The following CRYBG3 variants were observed in gnomAD, a reference collection of about 807,000 sequenced individuals.
The protein encoded by CRYBG3 is very large A-kinase anchor protein.
CRYBG3 carries 127 observed loss-of-function variants against 244.2 expected under a neutral mutation model. That is an observed-to-expected ratio of 0.52 (90% CI 0.45 to 0.60). CRYBG3 has a LOEUF of 0.60. Ranked by LOEUF, CRYBG3 falls within the 20% of genes least tolerant of loss-of-function variation. The pLI is 0.00. For synonymous variants in CRYBG3, 1,132 were observed against 1,195.8 expected, an observed-to-expected ratio of 0.95 and a Z score of 1.10; for missense variants, 3,325 against 3,442.5, an observed-to-expected ratio of 0.97 and a Z score of 0.85.
In CRYBG3 at chr3:97,886,729, T is replaced by G. The variant is rs2039512345; in HGVS notation, c.7251T>G (p.Asn2417Lys). Residue 2417 changes from asparagine (N) to lysine (K), a missense_variant, in exon 8 of 22, where the codon AAT becomes AAG. Transcript: ENST00000389622. ...QRAVPNLEELNISKSVSFTVK... is the reference protein window; with the variant it reads ...QRAVPNLEELKISKSVSFTVK... ...CAGTCCCCAATTTGGAAGAACTGAATATCTCCAAATCTGTGTCCTTCACTG... is the reference window on the plus strand; with the variant it reads ...CAGTCCCCAATTTGGAAGAACTGAAGATCTCCAAATCTGTGTCCTTCACTG... The G allele has an allele frequency of 6.2e-7, 1 of 1,612,302 alleles. No individual in the cohort carries two copies. The highest frequency in any genetic ancestry group is 8.5e-7 in the Non-Finnish European group (1 of 1,179,342).
chr3:97,886,202 A>G (rs1276414210), intron 7 of CRYBG3, among the ~76,000 whole-genome samples: 1 of 152,034 alleles, frequency 6.6e-6, no homozygotes, highest in East Asian at 1.9e-4. Flanking sequence ...CTGCTTCTCT[A>G]CTTGTTTTTT....
chr3:97,872,446 A>C lies in CRYBG3; in HGVS notation c.1252A>C (p.Arg418=). 1 of 1,536,026 alleles carries C rather than the reference A, an allele frequency of 6.5e-7. No homozygotes were observed. The highest frequency in any genetic ancestry group is 2.4e-5 in the East Asian group (1 of 40,918). ...AGAAAACAGCACTGTGATGAGTAAT[A>C]GGACATTGGTGCAAAGAGAGGAGCT... ...IKENSTVMSN[R]TLVQREELVE... The change falls in exon 4 of 22, where the codon AGG becomes CGG. Residue 418 remains arginine, a synonymous_variant. Transcript: ENST00000389622.
chr3:97,829,124 GA>G (rs576064244), intron 1 of CRYBG3, among the ~76,000 whole-genome samples: 120 of 149,154 alleles, frequency 8.0e-4, no homozygotes, highest in Admixed American at 7.7e-3. Flanking sequence ...CTAAAAGAAG[GA>G]AAAAAAAAGA....
At chr3:97,888,763 T>A (rs1471355037) in intron 9 of CRYBG3, among the ~76,000 whole-genome samples, 2 of 152,050 alleles carry the variant, frequency 1.3e-5, no homozygotes, top group African/African-American at 4.8e-5. Flanking sequence ...CAACGTGGAG[T>A]AGCACTTGAA....
At chr3:97,850,091 G>A (rs571388501) in intron 2 of CRYBG3, among the ~76,000 whole-genome samples, 8 of 152,100 alleles carry the variant, frequency 5.3e-5, no homozygotes, top group Admixed American at 1.3e-4. Flanking sequence ...CATACTCAAA[G>A]TTGAACTCAT....
intron 3 of CRYBG3, among the ~76,000 whole-genome samples, chr3:97,870,920 G>A (rs1158810434): frequency 6.6e-6 from 1 of 152,140 alleles, no homozygotes; most frequent in Non-Finnish European, 1.5e-5. Context: ...TGTGCTCTGT[G>A]CACCCAGAGA....
intron 15 of CRYBG3, among the ~76,000 whole-genome samples, chr3:97,904,742 T>A (rs1036902748): frequency 3.3e-5 from 5 of 151,362 alleles, no homozygotes; most frequent in Admixed American, 6.6e-5. Flanking sequence ...TAATCTTTTT[T>A]TTATTATTAT....
At position 97,872,272 on chromosome 3, in the gene CRYBG3, TCTGA is replaced by T; in HGVS notation, c.1081_1084del (p.Asp361HisfsTer5). ...GACTAACTCCAGCTACGATGGAGAA[TCTGA>T]CTCACAGCACCATTTAAGTTGTGAA... On this transcript the variant is annotated frameshift_variant, in exon 4 of 22. Transcript: ENST00000389622. LOFTEE classifies it high-confidence loss of function. The T allele has an allele frequency of 6.5e-7, 1 of 1,535,814 alleles. No individual in the cohort carries two copies. Among genetic ancestry groups the T allele is most frequent in the Non-Finnish European group, 8.7e-7 (1 of 1,146,646 alleles).
chr3:97,915,541 A>G, intron 16 of CRYBG3, 69 bp from the exon 17 acceptor site: 1 of 1,505,940 alleles, frequency 6.6e-7, no homozygotes, highest in Non-Finnish European at 9.0e-7. Context: ...CAATTCCCAC[A>G]GCATGATAAT....
chr3:97,933,599 A>T, intron 17 of CRYBG3, 95 bp from the exon 18 acceptor site: 1 of 1,226,250 alleles, frequency 8.2e-7, no homozygotes, highest in Non-Finnish European at 1.2e-6. Flanking sequence ...CCATGCATTT[A>T]AGAATACAAT....
intron 4 of CRYBG3, 107 bp downstream of exon 4, chr3:97,878,144 C>T: frequency 9.8e-7 from 1 of 1,018,892 alleles, no homozygotes; most frequent in Non-Finnish European, 1.4e-6. Flanking sequence ...AGCATGGTGG[C>T]TCATGCCTGT....
chr3:97,838,481 T>C (rs568384513), intron 1 of CRYBG3, among the ~76,000 whole-genome samples: 2 of 152,242 alleles, frequency 1.3e-5, no homozygotes, highest in South Asian at 2.1e-4. Flanking sequence ...TATAGATTCC[T>C]GGGCCCCGTT....
At chr3:97,841,303 T>C (rs1343291682) in intron 1 of CRYBG3, among the ~76,000 whole-genome samples, 14 of 149,978 alleles carry the variant, frequency 9.3e-5, no homozygotes, top group East Asian at 2.0e-4. Context: ...CCTATATGTA[T>C]ATATATGTGT....
intron 2 of CRYBG3, among the ~76,000 whole-genome samples, chr3:97,843,679 C>T (rs1158102317): frequency 6.6e-6 from 1 of 152,158 alleles, no homozygotes; most frequent in Non-Finnish European, 1.5e-5. Context: ...TCTGTTTCTA[C>T]ATATCATTGC....
chr3:97,837,644 G>A (rs2038752922), intron 1 of CRYBG3, among the ~76,000 whole-genome samples: 1 of 152,040 alleles, frequency 6.6e-6, no homozygotes, highest in Non-Finnish European at 1.5e-5. Context: ...ACAGAGGGTT[G>A]GGGTGTGCTG....
chr3:97,875,798 G>A lies in CRYBG3; in HGVS notation c.4604G>A (p.Gly1535Glu). The A allele has an allele frequency of 8.1e-7, 1 of 1,231,506 alleles. No individual in the cohort carries two copies. Among genetic ancestry groups the A allele is most frequent in the Non-Finnish European group, 1.0e-6 (1 of 987,604 alleles). 76.3% of individuals were successfully genotyped at this position (1,231,506 alleles called of 1,614,324 possible). ...AAGAAGGATAATGAAATAAATATAG[G>A]GAAAATTGAACTTATACCTTCCATG... The part of the protein sequence containing the change: ...VHKKDNEINI[G>E]KIELIPSMLE... Residue 1535 changes from glycine to glutamate, a missense_variant, in exon 4 of 22, where the codon GGG becomes GAG. Transcript: ENST00000389622.
chr3:97,894,095 A>T (rs925504647), intron 11 of CRYBG3, among the ~76,000 whole-genome samples: 3 of 152,116 alleles, frequency 2.0e-5, no homozygotes, highest in African/African-American at 7.2e-5. Context: ...CATTTGTAAT[A>T]TTGTCTGGTT....
intron 2 of CRYBG3, among the ~76,000 whole-genome samples, chr3:97,858,251 T>C (rs2039094347): frequency 6.6e-6 from 1 of 151,896 alleles, no homozygotes; most frequent in Non-Finnish European, 1.5e-5. Context: ...TATATGCTGT[T>C]ATTCTAATGG....
At chr3:97,908,195 T>G (rs889952355) in intron 15 of CRYBG3, among the ~76,000 whole-genome samples, 5 of 152,030 alleles carry the variant, frequency 3.3e-5, no homozygotes, top group South Asian at 2.1e-4. Context: ...AATAGGTGTG[T>G]TGTGGTGCTG....
Sources: allele counts gnomAD v4.1 joint callset (sites outside exome capture counted in the v4.1 genomes callset), GRCh38; gene constraint gnomAD v4.1.1; transcripts MANE v1.5; gene names NCBI Gene and HGNC (gene_info 2026-07-23, HGNC 2026-07-21).